Variants in GRIK1 observed in about 807,000 individuals in gnomAD.
The protein encoded by GRIK1 is glutamate ionotropic receptor kainate type subunit 1, also known as glutamate receptor ionotropic, kainate 1.
GRIK1 carries 69 observed loss-of-function variants against 105.7 expected under a neutral mutation model. The observed-to-expected ratio is 0.65, with a 90% CI of 0.54 to 0.80. The LOEUF (loss-of-function observed/expected upper bound fraction) is 0.80. GRIK1 is among the 30% of genes least tolerant of loss of function. GRIK1 has a pLI of 0.00. For synonymous variants in GRIK1, 438 were observed against 431.3 expected (o/e 1.02, Z -0.19); for missense variants, 1,109 against 1,167.3 (o/e 0.95, Z 0.73).
chr21:29,560,748 C>T (rs1450195091), intron 15 of GRIK1, among the ~76,000 whole-genome samples: 1 of 151,340 alleles, frequency 6.6e-6, no homozygotes, highest in Non-Finnish European at 1.5e-5. Flanking sequence ...ACTATAGGCA[C>T]ATGGCACCAC....
intron 1 of GRIK1, among the ~76,000 whole-genome samples, chr21:29,870,541 A>G (rs1274543019): frequency 6.6e-6 from 1 of 151,618 alleles, no homozygotes; most frequent in Non-Finnish European, 1.5e-5. Flanking sequence ...ATATTTTATT[A>G]AATACATTAC....
chr21:29,732,760 A>C (rs2064669956), intron 1 of GRIK1, among the ~76,000 whole-genome samples: 1 of 152,088 alleles, frequency 6.6e-6, no homozygotes, highest in Non-Finnish European at 1.5e-5. Context: ...TATTTGCCTC[A>C]CTCGATTTTG....
chr21:29,614,696 A>G (rs2146389866), intron 7 of GRIK1, among the ~76,000 whole-genome samples: 1 of 151,428 alleles, frequency 6.6e-6, no homozygotes, highest in Admixed American at 6.6e-5. Flanking sequence ...TACAGGCATG[A>G]GCCACCGCGC....
At chr21:29,737,980 A>C (rs2064835997) in intron 1 of GRIK1, among the ~76,000 whole-genome samples, 1 of 151,736 alleles carries the variant, frequency 6.6e-6, no homozygotes. Flanking sequence ...TCCTTGAAAA[A>C]CTCCATTTAT....
intron 3 of GRIK1, among the ~76,000 whole-genome samples, chr21:29,688,880 G>A (rs989455177): frequency 6.6e-6 from 1 of 151,994 alleles, no homozygotes; most frequent in African/African-American, 2.4e-5. Flanking sequence ...GAGAACATGG[G>A]GATATTGAAG....
chr21:29,640,281 T>C (rs964027185), intron 7 of GRIK1, among the ~76,000 whole-genome samples: 2 of 152,196 alleles, frequency 1.3e-5, no homozygotes, highest in African/African-American at 4.8e-5. Context: ...AAAAAACACG[T>C]GCACTTTCTC....
chr21:29,554,502 C>T (rs2090198413), intron 16 of GRIK1, among the ~76,000 whole-genome samples: 1 of 152,018 alleles, frequency 6.6e-6, no homozygotes, highest in Admixed American at 6.6e-5. Context: ...ATATACATTG[C>T]ATTTTCATTT....
chr21:29,656,716 T>C (rs959298459), intron 4 of GRIK1, among the ~76,000 whole-genome samples: 1 of 152,120 alleles, frequency 6.6e-6, no homozygotes, highest in African/African-American at 2.4e-5. Context: ...GGAAGGTGCC[T>C]AAGATATGTG....
chr21:29,694,284 C>T lies in GRIK1; in HGVS notation c.119-221G>A, dbSNP rs186040548. The stretch of plus-strand genomic sequence containing the variant: ...GACTGCATGTGTGCACTACCATGCC[C>T]GGCTAATTATTATATTATTAGTAGA... On this transcript the variant is annotated intron_variant, in intron 1 of 17. Transcript: ENST00000327783. Among the ~76,000 whole-genome samples the T allele has an allele frequency of 7.4e-3, 1,128 of 151,942 alleles. 4 individuals carry two copies. Among genetic ancestry groups the T allele is most frequent in the Non-Finnish European group, 0.012 (785 of 67,936 alleles).
chr21:29,642,074 TCCAAAGAG>T (rs1163157775), intron 7 of GRIK1, among the ~76,000 whole-genome samples: 2 of 152,190 alleles, frequency 1.3e-5, no homozygotes, highest in Non-Finnish European at 2.9e-5. Flanking sequence ...GCCTAGCTAC[TCCAAAGAG>T]CCTTATTTCT....
At chr21:29,639,819 T>C (rs1302085853) in intron 7 of GRIK1, among the ~76,000 whole-genome samples, 1 of 152,196 alleles carries the variant, frequency 6.6e-6, no homozygotes, top group East Asian at 1.9e-4. Context: ...AGTGGGAATG[T>C]ATAATCTCCT....
chr21:29,642,848 C>G lies in GRIK1; in HGVS notation c.1076G>C (p.Arg359Thr), dbSNP rs777417162. The G allele has an allele frequency of 6.2e-7, 1 of 1,614,060 alleles. No individual in the cohort carries two copies. The highest frequency in any genetic ancestry group is 1.3e-5 in the African/African-American group (1 of 74,938). Residue 359 changes from arginine to threonine, a missense_variant, in exon 7 of 18, where the codon AGA becomes ACA. Around this residue, in one of 5 missense-constraint regions of GRIK1, gnomAD observed 612 missense variants for 586.0 expected, o/e 1.04. Transcript: ENST00000327783. The part of the protein sequence containing the change: ...HRHKPWRLGP[R>T]FMNLIKEARW... ...TGCCTCTTTGATCAGGTTCATAAAT[C>G]TGGGTCCGAGGCGCCATGGCTTATG...
At chr21:29,765,584 T>G (rs984145054) in intron 1 of GRIK1, among the ~76,000 whole-genome samples, 1 of 152,114 alleles carries the variant, frequency 6.6e-6, no homozygotes, top group Non-Finnish European at 1.5e-5. Context: ...TTCCCAATAG[T>G]TACTGAGAGG....
rs562923604 is a variant in GRIK1 at position 29,672,884 on chromosome 21, A to T, written c.726+99T>A. The stretch of plus-strand genomic sequence containing the variant: ...TCTTTAGCATAAACGGGACTGCTGC[A>T]GTTTTATTATGCTGCATTAAGTGAA... On this transcript the variant is annotated intron_variant, in intron 4 of 17. Transcript: ENST00000327783. 6.6e-5 allele frequency: 54 copies of T among 812,056 alleles called. No individual in the cohort carries two copies. The Admixed American group carries it at 9.3e-4, about 14-fold the overall frequency. The allele number at this position is 812,056 out of a possible 1,614,324, so 50.3% of individuals were successfully genotyped here.
intron 1 of GRIK1, among the ~76,000 whole-genome samples, chr21:29,730,094 A>G (rs1297907123): frequency 2.0e-5 from 3 of 152,216 alleles, no homozygotes; most frequent in Non-Finnish European, 4.4e-5. Context: ...TTTCTGAGTT[A>G]TGGCAGTTCG....
chr21:29,819,737 G>T (rs1261403185), intron 1 of GRIK1, among the ~76,000 whole-genome samples: 1 of 151,958 alleles, frequency 6.6e-6, no homozygotes, highest in African/African-American at 2.4e-5. Flanking sequence ...GAGCAGTCAA[G>T]ACTATTTGAA....
intron 7 of GRIK1, among the ~76,000 whole-genome samples, chr21:29,636,974 C>A (rs1176596517): frequency 6.6e-6 from 1 of 152,154 alleles, no homozygotes; most frequent in Non-Finnish European, 1.5e-5. Flanking sequence ...CCTTATGCTT[C>A]ATTTATACAT....
intron 16 of GRIK1, chr21:29,553,281 A>G (rs765214864): frequency 6.7e-6 from 7 of 1,048,190 alleles, no homozygotes; most frequent in Non-Finnish European, 8.0e-6. Context: ...TTTTTAATGC[A>G]TGAAGATAGA....
rs1213183366 is a variant in GRIK1 at position 29,777,040 on chromosome 21, T to C, written c.119-82977A>G. ...AGCCTAAGGAAGAAGATCTCATCCC[T>C]GACTGTACATTAGAGTCATATTGGG... On this transcript the variant is annotated intron_variant, in intron 1 of 17. Coordinates refer to ENST00000327783, the MANE Select transcript of GRIK1 (RefSeq NM_001330994.2). Among the ~76,000 whole-genome samples, 3 of 152,318 alleles carry C rather than the reference T, an allele frequency of 2.0e-5. No homozygotes were observed. In the East Asian group the frequency reaches 5.8e-4, roughly 29 times the overall value.
Sources: allele counts gnomAD v4.1 joint callset (sites outside exome capture counted in the v4.1 genomes callset), GRCh38; gene constraint gnomAD v4.1.1; regional missense constraint gnomAD v4.1.1; transcripts MANE v1.5; gene names NCBI Gene and HGNC (gene_info 2026-07-23, HGNC 2026-07-21).